DYM: variants seen among roughly 807,000 people sequenced by gnomAD.
DYM encodes dyggve-Melchior-Clausen syndrome protein.
DYM carries 78 observed loss-of-function variants against 93.1 expected under a neutral mutation model. The observed-to-expected ratio is 0.84, with a 90% CI of 0.70 to 1.01. The LOEUF (loss-of-function observed/expected upper bound fraction) is 1.01, where lower values mean the gene tolerates loss of function less well. Ranked by LOEUF, DYM falls within the 50% of genes least tolerant of loss-of-function variation. DYM has a pLI of 0.00. For missense variants in DYM, 789 were observed against 845.0 expected (o/e 0.93, Z 0.82); for synonymous variants, 321 against 319.7 (o/e 1.00, Z -0.04).
chr18:49,224,158 A>C (rs1250358091), intron 13 of DYM, among the ~76,000 whole-genome samples: 1 of 152,126 alleles, frequency 6.6e-6, no homozygotes, highest in African/African-American at 2.4e-5. Flanking sequence ...AGGGAGTGTC[A>C]AAATTGACTC....
chr18:49,079,473 A>G (rs9966097), intron 17 of DYM, among the ~76,000 whole-genome samples: 4,028 of 151,668 alleles, frequency 0.027, 179 homozygotes, highest in African/African-American at 0.091. Flanking sequence ...GCAGGGTCAT[A>G]GGACAATAGT....
intron 11 of DYM, among the ~76,000 whole-genome samples, chr18:49,271,430 G>A (rs948872036): frequency 2.6e-5 from 4 of 152,164 alleles, no homozygotes; most frequent in Non-Finnish European, 4.4e-5. Context: ...GGGAACACTT[G>A]TGGAATGCAG....
chr18:49,409,043 G>A (rs2071867553), intron 2 of DYM, among the ~76,000 whole-genome samples: 1 of 152,150 alleles, frequency 6.6e-6, no homozygotes, highest in Non-Finnish European at 1.5e-5. Context: ...CCAGCACCCT[G>A]GGAGGCCGAG....
chr18:49,211,232 A>G (rs961153483), intron 13 of DYM, among the ~76,000 whole-genome samples: 1 of 152,230 alleles, frequency 6.6e-6, no homozygotes, highest in Non-Finnish European at 1.5e-5. Context: ...AAAAAATTTT[A>G]AACCGCTCCA....
At chr18:49,306,144 G>A (rs768216311) in intron 8 of DYM, among the ~76,000 whole-genome samples, 39 of 152,294 alleles carry the variant, frequency 2.6e-4, no homozygotes, top group African/African-American at 9.1e-4. Context: ...GGAAATTCTA[G>A]GAGACCAAGA....
At chr18:49,069,127 T>C (rs2076688478) in intron 17 of DYM, among the ~76,000 whole-genome samples, 1 of 152,206 alleles carries the variant, frequency 6.6e-6, no homozygotes, top group Admixed American at 6.5e-5. Flanking sequence ...GATGGGATGA[T>C]GCGTGAGTTA....
intron 15 of DYM, among the ~76,000 whole-genome samples, chr18:49,148,553 AGCCT>A (rs1297903230): frequency 2.0e-5 from 3 of 152,128 alleles, no homozygotes; most frequent in Non-Finnish European, 4.4e-5. Context: ...CCCGGCACCA[AGCCT>A]TTAAGATACA....
At chr18:49,316,918 A>C (rs2061980993) in intron 8 of DYM, among the ~76,000 whole-genome samples, 2 of 152,328 alleles carry the variant, frequency 1.3e-5, no homozygotes, top group South Asian at 2.1e-4. Context: ...TTGCTGAATA[A>C]AATTCCACTT....
chr18:49,245,489 G>A (rs1237091522), intron 13 of DYM, among the ~76,000 whole-genome samples: 1 of 152,178 alleles, frequency 6.6e-6, no homozygotes, highest in African/African-American at 2.4e-5. Context: ...CTCTGGGAAT[G>A]TCTGTCTTAT....
intron 3 of DYM, 69 bp from the exon 4 acceptor site, chr18:49,379,827 A>C (rs2067872618): frequency 7.7e-7 from 1 of 1,290,414 alleles, no homozygotes; most frequent in Non-Finnish European, 1.1e-6. Context: ...TTATCATAAC[A>C]TTTATAAAAC....
chr18:49,156,782 A>C (rs1025829238), intron 15 of DYM, among the ~76,000 whole-genome samples: 5 of 151,088 alleles, frequency 3.3e-5, no homozygotes, highest in Non-Finnish European at 5.9e-5. Flanking sequence ...TTCTACCTAC[A>C]TTCCACTGAC....
intron 5 of DYM, among the ~76,000 whole-genome samples, chr18:49,366,063 C>A (rs1294343403): frequency 6.6e-6 from 1 of 151,446 alleles, no homozygotes; most frequent in African/African-American, 2.4e-5. Context: ...GCTGAAATAT[C>A]TTAAGACTTC....
chr18:49,348,679 C>T (rs947688440), intron 6 of DYM, among the ~76,000 whole-genome samples: 3 of 151,180 alleles, frequency 2.0e-5, no homozygotes, highest in African/African-American at 7.3e-5. Flanking sequence ...GAGGCCAAGG[C>T]GAGTGGATTA....
At chr18:49,283,588 G>A (rs2095046091) in intron 9 of DYM, among the ~76,000 whole-genome samples, 1 of 151,976 alleles carries the variant, frequency 6.6e-6, no homozygotes, top group Non-Finnish European at 1.5e-5. Context: ...CAACAAAGAA[G>A]ATAAAGATAA....
intron 15 of DYM, among the ~76,000 whole-genome samples, chr18:49,129,518 G>T (rs1164331871): frequency 6.6e-6 from 1 of 152,234 alleles, no homozygotes; most frequent in Admixed American, 6.5e-5. Context: ...CAAGGAAGAA[G>T]TGGTGTCCAC....
chr18:49,386,738 G>A (rs2068662076), intron 3 of DYM, among the ~76,000 whole-genome samples: 2 of 152,146 alleles, frequency 1.3e-5, no homozygotes, highest in Non-Finnish European at 2.9e-5. Flanking sequence ...GAAGGGTGTA[G>A]TTTAGTCAAT....
At chr18:49,073,403 T>A (rs1050859243) in intron 17 of DYM, among the ~76,000 whole-genome samples, 1 of 152,202 alleles carries the variant, frequency 6.6e-6, no homozygotes, top group Non-Finnish European at 1.5e-5. Context: ...TTAAAAAATA[T>A]GTAATTTTGG....
chr18:49,067,255 G>A (rs357862), intron 17 of DYM, among the ~76,000 whole-genome samples: 134 of 114,688 alleles, frequency 1.2e-3, no homozygotes, highest in Admixed American at 1.7e-3. Context: ...GACATGTTAT[G>A]GAGGTTCAGT....
intron 15 of DYM, among the ~76,000 whole-genome samples, chr18:49,151,970 A>C (rs1295811487): frequency 1.3e-5 from 2 of 152,320 alleles, no homozygotes; most frequent in East Asian, 3.9e-4. Context: ...CTTTTTCACT[A>C]GAATGGAAAG....
Sources: allele counts gnomAD v4.1 joint callset (sites outside exome capture counted in the v4.1 genomes callset), GRCh38; gene constraint gnomAD v4.1.1; transcripts MANE v1.5; gene names NCBI Gene and HGNC (gene_info 2026-07-23, HGNC 2026-07-21).